The following FCHSD2 variants were observed in gnomAD, a reference collection of about 807,000 sequenced individuals.
The protein encoded by FCHSD2 is FCH and double SH3 domains 2, also known as F-BAR and double SH3 domains protein 2.
A neutral mutation model predicts 108.1 loss-of-function variants in FCHSD2; 38 were observed. The observed-to-expected ratio is 0.35, with a 90% confidence interval of 0.27 to 0.46. The LOEUF is 0.46. FCHSD2 is among the 20% of genes least tolerant of loss of function. The pLI is 1.00. For missense variants in FCHSD2, 751 were observed against 897.8 expected (o/e 0.84, Z 2.09); for synonymous variants, 279 against 314.7 (o/e 0.89, Z 1.20).
At chr11:73,119,695 C>T (rs1433554143) in intron 2 of FCHSD2, among the ~76,000 whole-genome samples, 2 of 152,150 alleles carry the variant, frequency 1.3e-5, no homozygotes, top group East Asian at 3.9e-4. Context: ...GATCCTCCCA[C>T]CTTGGCCTCC....
At chr11:73,029,459 C>G (rs1012399954) in intron 3 of FCHSD2, among the ~76,000 whole-genome samples, 1 of 152,192 alleles carries the variant, frequency 6.6e-6, no homozygotes, top group South Asian at 2.1e-4. Context: ...CTTAGCTCAG[C>G]TGTGGCTACC....
intron 5 of FCHSD2, among the ~76,000 whole-genome samples, 174 bp downstream of exon 5, chr11:73,000,816 T>C (rs1857611486): frequency 1.3e-5 from 2 of 152,194 alleles, no homozygotes; most frequent in Admixed American, 1.3e-4. Context: ...TTTTAGCAGT[T>C]AATAAAACAT....
At chr11:72,992,443 T>G (rs576662910) in intron 5 of FCHSD2, among the ~76,000 whole-genome samples, 1 of 152,208 alleles carries the variant, frequency 6.6e-6, no homozygotes, top group Non-Finnish European at 1.5e-5. Context: ...AGAGCCCGCA[T>G]TGCCAAGTCA....
At chr11:73,039,864 G>A (rs552283956) in intron 3 of FCHSD2, among the ~76,000 whole-genome samples, 6 of 152,158 alleles carry the variant, frequency 3.9e-5, no homozygotes, top group African/African-American at 7.2e-5. Context: ...ATAGAATAAC[G>A]AATGCAAATC....
chr11:73,089,434 T>C (rs1264714701), intron 2 of FCHSD2, among the ~76,000 whole-genome samples: 1 of 152,222 alleles, frequency 6.6e-6, no homozygotes, highest in Non-Finnish European at 1.5e-5. Flanking sequence ...TTCCTAGGTG[T>C]ATATCCATGA....
chr11:73,131,239 C>T (rs1201257605), intron 2 of FCHSD2, among the ~76,000 whole-genome samples: 5 of 150,546 alleles, frequency 3.3e-5, no homozygotes, highest in South Asian at 2.1e-4. Flanking sequence ...AAAATTAGGC[C>T]GGGCGCAGTG....
chr11:73,121,936 A>G (rs1213216132), intron 2 of FCHSD2, among the ~76,000 whole-genome samples: 3 of 152,200 alleles, frequency 2.0e-5, no homozygotes, highest in African/African-American at 7.2e-5. Flanking sequence ...AAAACCACAC[A>G]GTTATAATTA....
At chr11:73,045,615 G>A (rs917887456) in intron 3 of FCHSD2, among the ~76,000 whole-genome samples, 25 of 150,450 alleles carry the variant, frequency 1.7e-4, no homozygotes, top group African/African-American at 5.6e-4. Context: ...CATGTCCTTT[G>A]TAGGGACATG....
chr11:72,887,669 G>A, intron 11 of FCHSD2, 95 bp from the exon 12 acceptor site: 1 of 710,880 alleles, frequency 1.4e-6, no homozygotes, highest in Non-Finnish European at 2.2e-6. Context: ...GGGCTTTAGT[G>A]ACTAGTAGCC....
chr11:72,883,588 C>T (rs550368186), intron 12 of FCHSD2, among the ~76,000 whole-genome samples: 1 of 152,278 alleles, frequency 6.6e-6, no homozygotes, highest in South Asian at 2.1e-4. Flanking sequence ...AAATGCAATT[C>T]AAAACCACAG....
At chr11:73,076,979 G>A (rs950237216) in intron 3 of FCHSD2, among the ~76,000 whole-genome samples, 17 of 151,430 alleles carry the variant, frequency 1.1e-4, no homozygotes, top group Non-Finnish European at 2.1e-4. Context: ...GCATGGTGGC[G>A]GGCACCTGTA....
intron 9 of FCHSD2, among the ~76,000 whole-genome samples, chr11:72,911,669 CCTTT>C (rs980081926): frequency 6.6e-6 from 1 of 152,010 alleles, no homozygotes; most frequent in African/African-American, 2.4e-5. Flanking sequence ...TTCCTTCCTT[CCTTT>C]TTTATTTTTA....
At chr11:72,902,149 A>G (rs1486320421) in intron 10 of FCHSD2, among the ~76,000 whole-genome samples, 1 of 152,174 alleles carries the variant, frequency 6.6e-6, no homozygotes, top group Admixed American at 6.5e-5. Flanking sequence ...TGCTGAGATT[A>G]CAAGCGTGAG....
At chr11:73,077,795 G>C (rs1217639987) in intron 3 of FCHSD2, 1 of 273,256 alleles carries the variant, frequency 3.7e-6, no homozygotes, top group African/African-American at 2.3e-5. Flanking sequence ...GAAAACTCTG[G>C]GGGCTTACAG....
At position 73,067,755 on chromosome 11, in the gene FCHSD2, T is replaced by TA. The variant is rs550830977; in HGVS notation, c.165+15939dup. On this transcript the variant is annotated intron_variant, in intron 3 of 19. Transcript: ENST00000409418. ...CTCTCAAAATGAGGCTTTAAACCAA[T>TA]ATTCCAGCAATTGAAATACAAAATC... is the stretch of plus-strand genomic sequence containing the variant. Among the ~76,000 whole-genome samples, 19 of 152,232 alleles carry TA rather than the reference T, an allele frequency of 1.2e-4. No individual in the cohort carries two copies. In the East Asian group the frequency reaches 3.7e-3, roughly 29 times the overall value.
At chr11:73,140,754 C>A (rs1337554087) in intron 1 of FCHSD2, among the ~76,000 whole-genome samples, 2 of 152,246 alleles carry the variant, frequency 1.3e-5, no homozygotes, top group Admixed American at 6.5e-5. Context: ...GGAAGCCGAT[C>A]CCCGTGGAGG....
Position 72,849,907 on chromosome 11 carries a change from C to A in FCHSD2, c.1309-18G>T, listed in dbSNP as rs746058811. 5 of 1,601,522 alleles carry A rather than the reference C, an allele frequency of 3.1e-6. No homozygotes were observed. Among genetic ancestry groups the A allele is most frequent in the South Asian group, 1.1e-5 (1 of 88,536 alleles). ...GCATTAAGCTAAGAAAAATTAGAAA[C>A]CATTGGCTAGTTTCCTTACTTCAAG... On this transcript the variant is annotated intron_variant, in intron 13 of 19. Coordinates refer to ENST00000409418, the MANE Select transcript of FCHSD2 (RefSeq NM_014824.3).
At chr11:73,131,244 G>A (rs564294829) in intron 2 of FCHSD2, among the ~76,000 whole-genome samples, 9 of 151,124 alleles carry the variant, frequency 6.0e-5, no homozygotes, top group East Asian at 1.9e-4. Context: ...TAGGCCGGGC[G>A]CAGTGGTTCA....
intron 13 of FCHSD2, among the ~76,000 whole-genome samples, chr11:72,856,230 T>C (rs1351405822): frequency 6.6e-6 from 1 of 152,108 alleles, no homozygotes; most frequent in Non-Finnish European, 1.5e-5. Context: ...GAGTGAAGGA[T>C]ACTAAAAGGA....
Sources: gnomAD v4.1 joint callset for allele counts (sites outside exome capture counted in the v4.1 genomes callset) on GRCh38, gnomAD v4.1.1 for gene constraint, MANE v1.5 for transcripts, NCBI Gene and HGNC (gene_info 2026-07-23, HGNC 2026-07-21) for gene names.